APP: variants seen among roughly 807,000 people sequenced by gnomAD.
APP encodes amyloid beta precursor protein, also known as amyloid-beta precursor protein.
Under a neutral mutation model 101.4 loss-of-function variants are expected in APP, and 31 were observed. That is an observed-to-expected ratio of 0.31 (90% CI 0.23 to 0.41). The LOEUF is 0.41. Ranked by LOEUF, APP falls within the 10% of genes least tolerant of loss-of-function variation. The pLI is 1.00. For missense variants in APP, 839 were observed against 1,003.7 expected (o/e 0.84, Z 2.22); for synonymous variants, 366 against 364.4 (o/e 1.00, Z -0.05).
intron 14 of APP, among the ~76,000 whole-genome samples, chr21:25,909,498 C>T (rs1481851425): frequency 2.0e-5 from 3 of 152,052 alleles, no homozygotes; most frequent in East Asian, 1.9e-4. Context: ...GTAATAGCTG[C>T]GTGTTTGTCA....
chr21:26,047,371 G>T (rs1031079309), intron 5 of APP, among the ~76,000 whole-genome samples: 4 of 152,166 alleles, frequency 2.6e-5, no homozygotes, highest in South Asian at 4.1e-4. Context: ...TTTTAAGTCA[G>T]GTACGTTAAA....
In APP at chr21:26,090,078, A is replaced by G. The variant is rs199723116; in HGVS notation, c.226-6T>C. 1.9e-6 allele frequency: 3 copies of G among 1,614,028 alleles called. No individual in the cohort carries two copies. The highest frequency in any genetic ancestry group is 1.7e-6 in the Non-Finnish European group (2 of 1,179,922). Reference sequence around the variant, plus strand: ...ATCTGCAGTTCAGGGTAGACCTGGGAGAGCACACAAAAAGAATCAATTGTT... The same window carrying G: ...ATCTGCAGTTCAGGGTAGACCTGGGGGAGCACACAAAAAGAATCAATTGTT... On this transcript the variant is annotated splice_polypyrimidine_tract_variant and splice_region_variant and intron_variant, in intron 2 of 17. Coordinates refer to ENST00000346798, the MANE Select transcript of APP (RefSeq NM_000484.4).
intron 15 of APP, among the ~76,000 whole-genome samples, chr21:25,898,370 G>C (rs2038221666): frequency 1.3e-5 from 2 of 152,120 alleles, no homozygotes; most frequent in Non-Finnish European, 2.9e-5. Flanking sequence ...TAATTGTTCT[G>C]ATGAATTTCA....
chr21:25,974,978 C>G, intron 11 of APP, 92 bp downstream of exon 11: 6 of 1,558,496 alleles, frequency 3.8e-6, no homozygotes, highest in Non-Finnish European at 3.5e-6. Flanking sequence ...CATTTCTCCT[C>G]ATTCTTTTTG....
At chr21:25,907,252 C>A (rs937982528) in intron 14 of APP, among the ~76,000 whole-genome samples, 1 of 152,062 alleles carries the variant, frequency 6.6e-6, no homozygotes, top group Non-Finnish European at 1.5e-5. Flanking sequence ...GTGACATAAA[C>A]CCTAATCTGC....
chr21:25,891,831 G>T lies in APP; in HGVS notation c.2102C>A (p.Ala701Glu). The T allele has an allele frequency of 6.2e-7, 1 of 1,613,990 alleles. No homozygotes were observed. Among genetic ancestry groups the T allele is most frequent in the Non-Finnish European group, 8.5e-7 (1 of 1,179,984 alleles). ...ACCGCCCACCATGAGTCCAATGATT[G>T]CACCTTTGTTTGAACCCACATCTTC... ...FAEDVGSNKG[A>E]IIGLMVGGVV... is the part of the protein sequence containing the mutation. Residue 701 changes from alanine to glutamate, a missense_variant, in exon 17 of 18, where the codon GCA becomes GAA. Ala to Glu is a moderately radical substitution (Grantham distance 107). Coordinates refer to ENST00000346798, the MANE Select transcript of APP (RefSeq NM_000484.4).
intron 13 of APP, among the ~76,000 whole-genome samples, chr21:25,915,279 G>A (rs1043256562): frequency 1.3e-5 from 2 of 152,082 alleles, no homozygotes; most frequent in Admixed American, 6.5e-5. Context: ...GCTCATCTAC[G>A]TTATTTGAAC....
chr21:26,121,634 G>A (rs372082369), intron 1 of APP, among the ~76,000 whole-genome samples: 7 of 152,134 alleles, frequency 4.6e-5, no homozygotes, highest in African/African-American at 9.6e-5. Context: ...GAGCCACCGC[G>A]CCTGGCCTTA....
chr21:26,113,030 C>T (rs2830060), intron 1 of APP, among the ~76,000 whole-genome samples: 20,362 of 151,800 alleles, frequency 0.13, 1,745 homozygotes, highest in Admixed American at 0.27. Context: ...ATATCTATAC[C>T]GTGTCACTTA....
rs998646663 is a variant in APP, at chr21:26,076,627, T to A, written c.355+13316A>T. ...AATTTTATATTTGTATAATCTTAGGTTATAGCCAAGAAAAAGCAAACATCT... is the reference window on the plus strand; with the variant it reads ...AATTTTATATTTGTATAATCTTAGGATATAGCCAAGAAAAAGCAAACATCT... On this transcript the variant is annotated intron_variant, in intron 3 of 17. Transcript: ENST00000346798. Among the ~76,000 whole-genome samples the A allele has an allele frequency of 3.4e-4, 52 of 152,158 alleles. 1 individual carries two copies. The highest frequency in any genetic ancestry group is 2.6e-4 in the Admixed American group (4 of 15,274).
chr21:25,987,610 T>G (rs891653941), intron 8 of APP, among the ~76,000 whole-genome samples: 3 of 152,200 alleles, frequency 2.0e-5, no homozygotes, highest in African/African-American at 7.2e-5. Flanking sequence ...TAATTCCTAG[T>G]ACATCACTGC....
intron 15 of APP, among the ~76,000 whole-genome samples, chr21:25,903,133 G>A (rs996533198): frequency 2.6e-5 from 4 of 151,936 alleles, no homozygotes; most frequent in Admixed American, 1.3e-4. Context: ...TTGGGATGCC[G>A]AGGTGGGTGG....
chr21:25,895,830 A>G (rs146159055), intron 16 of APP, among the ~76,000 whole-genome samples: 307 of 152,364 alleles, frequency 2.0e-3, no homozygotes, highest in African/African-American at 7.0e-3. Context: ...GTAATCAGGA[A>G]TAAATACAAG....
intron 5 of APP, among the ~76,000 whole-genome samples, chr21:26,033,381 T>C (rs1319723365): frequency 6.6e-6 from 1 of 152,208 alleles, no homozygotes; most frequent in East Asian, 1.9e-4. Context: ...CTGCCATGAT[T>C]GTAAGTTTCC....
chr21:26,091,581 T>C (rs914503539), intron 2 of APP, among the ~76,000 whole-genome samples: 1 of 152,108 alleles, frequency 6.6e-6, no homozygotes, highest in Non-Finnish European at 1.5e-5. Context: ...CAGCTACACC[T>C]GATGACAGCA....
chr21:26,121,553 A>G (rs938960985), intron 1 of APP, among the ~76,000 whole-genome samples: 1 of 152,012 alleles, frequency 6.6e-6, no homozygotes, highest in Non-Finnish European at 1.5e-5. Context: ...ACACCCGGCT[A>G]ATTTTTGTAT....
chr21:26,155,914 G>A (rs1028264795), intron 1 of APP, among the ~76,000 whole-genome samples: 2 of 151,170 alleles, frequency 1.3e-5, no homozygotes, highest in Non-Finnish European at 2.9e-5. Flanking sequence ...GGAGAATGGC[G>A]TGAACCCAGG....
At chr21:26,100,274 C>T (rs1250979334) in intron 2 of APP, among the ~76,000 whole-genome samples, 1 of 152,104 alleles carries the variant, frequency 6.6e-6, no homozygotes, top group Non-Finnish European at 1.5e-5. Flanking sequence ...TTATACAGAC[C>T]AGAAATGCAT....
In APP at chr21:26,112,015, A is replaced by G. The variant is rs1339370778; in HGVS notation, c.189T>C (p.Ile63=). ...ACTGCAGGATGCCTTCCTTGGTATCAATGCAGGTTTTGGTCCCTGATGGAT... is the reference window on the plus strand; with the variant it reads ...ACTGCAGGATGCCTTCCTTGGTATCGATGCAGGTTTTGGTCCCTGATGGAT... The part of the protein sequence containing the change: ...DSDPSGTKTC[I]DTKEGILQYC... The change falls in exon 2 of 18, where the codon ATT becomes ATC. Residue 63 remains isoleucine (I), a synonymous_variant. Coordinates refer to ENST00000346798, the MANE Select transcript of APP (RefSeq NM_000484.4). 6.2e-7 allele frequency: 1 copy of G among 1,614,134 alleles called. No individual in the cohort carries two copies. Among genetic ancestry groups the G allele is most frequent in the Non-Finnish European group, 8.5e-7 (1 of 1,179,998 alleles).
Sources: gnomAD v4.1 joint callset for allele counts (sites outside exome capture counted in the v4.1 genomes callset) on GRCh38, gnomAD v4.1.1 for gene constraint, MANE v1.5 for transcripts, NCBI Gene and HGNC (gene_info 2026-07-23, HGNC 2026-07-21) for gene names.